DLGAP5: variants seen among roughly 807,000 people sequenced by gnomAD.
The protein encoded by DLGAP5 is DLG associated protein 5.
A neutral mutation model predicts 99.6 loss-of-function variants in DLGAP5; 90 were observed. The ratio of observed to expected loss-of-function variants is 0.90; its 90% CI spans 0.76 to 1.08. DLGAP5 has a LOEUF of 1.08. DLGAP5 is among the 50% of genes least tolerant of loss of function. DLGAP5 has a pLI of 0.00. For synonymous variants in DLGAP5, 311 were observed against 321.3 expected, an observed-to-expected ratio of 0.97 and a Z score of 0.34; for missense variants, 1,036 against 983.5, an observed-to-expected ratio of 1.05 and a Z score of -0.71.
Position 55,148,431 on chromosome 14 carries a change from T to A in DLGAP5, c.2461A>T (p.Arg821Ter), listed in dbSNP as rs1350128941. Residue 821 changes from arginine to a stop codon, truncating the protein, a stop_gained, in exon 19 of 19, where the codon AGA becomes TGA. Coordinates refer to ENST00000247191, the MANE Select transcript of DLGAP5 (RefSeq NM_014750.5). LOFTEE classifies it high-confidence loss of function. ...CSNPFTQLER[R>*]HQEHARHISF... ...ATGTGTCTGGCATGTTCTTGATGTC[T>A]CCTCTCCAGCTGAGTAAATGGATTA... 1 of 1,614,194 alleles carries A rather than the reference T, an allele frequency of 6.2e-7. No homozygotes were observed. The highest frequency in any genetic ancestry group is 1.7e-5 in the Admixed American group (1 of 60,026).
chr14:55,181,364 T>C, intron 4 of DLGAP5, 67 bp from the exon 5 acceptor site: 1 of 1,294,836 alleles, frequency 7.7e-7, no homozygotes, highest in Non-Finnish European at 1.1e-6. Context: ...ATTTTTAATC[T>C]GTAAATTGAT....
chr14:55,177,298 C>T lies in DLGAP5; in HGVS notation c.813G>A (p.Leu271=). Residue 271 remains leucine, a synonymous_variant, in exon 8 of 19, where the codon TTG becomes TTA. Coordinates refer to ENST00000247191, the MANE Select transcript of DLGAP5 (RefSeq NM_014750.5). ...SCKVDSEENT[L]NSQTNATSGM... ...CACTTGTTGCATTAGTTTGTGAATT[C>T]AAAGTATTTTCTTCACTATCGACTT... 1.2e-6 allele frequency: 2 copies of T among 1,607,192 alleles called. No homozygotes were observed. The highest frequency in any genetic ancestry group is 4.5e-5 in the East Asian group (2 of 44,584).
intron 2 of DLGAP5, among the ~76,000 whole-genome samples, chr14:55,188,029 T>G (rs1179216913): frequency 8.5e-5 from 13 of 152,202 alleles, no homozygotes; most frequent in Admixed American, 8.5e-4. Flanking sequence ...ACTGAGATAG[T>G]TAGACTTTAA....
chr14:55,190,437 A>G (rs1229112331), intron 1 of DLGAP5, among the ~76,000 whole-genome samples: 1 of 152,238 alleles, frequency 6.6e-6, no homozygotes, highest in Non-Finnish European at 1.5e-5. Context: ...TAGGGAGAAC[A>G]AAGAAAATTA....
At chr14:55,150,745 A>G (rs1477098759) in intron 18 of DLGAP5, 54 bp downstream of exon 18, 1 of 1,331,060 alleles carries the variant, frequency 7.5e-7, no homozygotes, top group East Asian at 2.5e-5. Flanking sequence ...AGCAATATTC[A>G]TTTTATAAAA....
rs1040763630 is a variant in DLGAP5 at position 55,164,420 on chromosome 14, A to G, written c.1549-1345T>C. On this transcript the variant is annotated intron_variant, in intron 12 of 18. Transcript: ENST00000247191. ...GGAAAAGACAGTCTTTTCAACAAAC[A>G]GTGCTGGGAAAATTGGTTATCCATA... Among the ~76,000 whole-genome samples, 5 of 152,352 alleles carry G rather than the reference A, an allele frequency of 3.3e-5. No homozygotes were observed. The South Asian group carries it at 1.0e-3, about 32-fold the overall frequency.
At chr14:55,156,681 G>A (rs79503407) in intron 14 of DLGAP5, among the ~76,000 whole-genome samples, 3,929 of 152,218 alleles carry the variant, frequency 0.026, 164 homozygotes, top group African/African-American at 0.09. Context: ...CCAGATTCCC[G>A]AGGAAAGCCT....
At chr14:55,149,371 G>A (rs1043026478) in intron 18 of DLGAP5, among the ~76,000 whole-genome samples, 2 of 152,132 alleles carry the variant, frequency 1.3e-5, no homozygotes, top group Non-Finnish European at 1.5e-5. Context: ...AGAAAGAATG[G>A]TACGTGGGTC....
chr14:55,173,568 C>G (rs1882944007), intron 10 of DLGAP5, among the ~76,000 whole-genome samples: 2 of 150,372 alleles, frequency 1.3e-5, no homozygotes, highest in Non-Finnish European at 1.5e-5. Context: ...GATATTGTCT[C>G]TCTCTATAGA....
chr14:55,176,100 G>A (rs955743384), intron 8 of DLGAP5, 82 bp from the exon 9 acceptor site: 72 of 1,225,402 alleles, frequency 5.9e-5, no homozygotes, highest in Non-Finnish European at 7.8e-5. Context: ...TGTGTCACTT[G>A]TAGATCTGGG....
In DLGAP5 at chr14:55,177,166, C is replaced by A; in HGVS notation, c.945G>T (p.Gln315His). 1 of 1,612,194 alleles carries A rather than the reference C, an allele frequency of 6.2e-7. No homozygotes were observed. The highest frequency in any genetic ancestry group is 8.5e-7 in the Non-Finnish European group (1 of 1,179,358). The change falls in exon 8 of 19, where the codon CAG becomes CAT. Residue 315 changes from glutamine (Q) to histidine (H), a missense_variant. Transcript: ENST00000247191. ...NSFAPKDFMF[Q>H]PLDGLKTYQV... ...GATAGGTCTTCAGACCATCCAGTGGCTGAAACATAAAATCCTTAGGTGCAA... is the reference window on the plus strand; with the variant it reads ...GATAGGTCTTCAGACCATCCAGTGGATGAAACATAAAATCCTTAGGTGCAA...
chr14:55,148,694 A>G, intron 18 of DLGAP5: 2 of 808,708 alleles, frequency 2.5e-6, no homozygotes, highest in South Asian at 3.1e-5. Context: ...CCTCAAAAAC[A>G]AACAAACAAG....
intron 10 of DLGAP5, among the ~76,000 whole-genome samples, chr14:55,172,486 A>T (rs1470746835): frequency 2.0e-5 from 3 of 152,058 alleles, no homozygotes; most frequent in Non-Finnish European, 4.4e-5. Context: ...TTTTTTAAAT[A>T]CAAAATTCTT....
chr14:55,154,201 C>T (rs74617736), intron 15 of DLGAP5, among the ~76,000 whole-genome samples: 62,605 of 151,990 alleles, frequency 0.41, 13,318 homozygotes, highest in Non-Finnish European at 0.43. Flanking sequence ...AAAAAGTGTC[C>T]ATCTCTCAAC....
intron 9 of DLGAP5, 143 bp downstream of exon 9, chr14:55,175,751 A>C: frequency 1.4e-6 from 1 of 724,594 alleles, no homozygotes; most frequent in South Asian, 2.5e-5. Flanking sequence ...CACATCCCCA[A>C]ATGATATGGT....
At chr14:55,173,339 T>C (rs1157690062) in intron 10 of DLGAP5, among the ~76,000 whole-genome samples, 6 of 149,798 alleles carry the variant, frequency 4.0e-5, no homozygotes, top group Non-Finnish European at 8.9e-5. Flanking sequence ...GGCAGGAGGA[T>C]GGCTTGAGCT....
rs911253326 is a variant in DLGAP5 at position 55,152,071 on chromosome 14, T to C, written c.2122-130A>G. 3.9e-5 allele frequency: 31 copies of C among 802,606 alleles called. No individual in the cohort carries two copies. In the Admixed American group the frequency reaches 8.0e-4, roughly 21 times the overall value. 49.7% of individuals were successfully genotyped at this position (802,606 alleles called of 1,614,324 possible). On this transcript the variant is annotated intron_variant, in intron 16 of 18. Transcript: ENST00000247191. ...CCCGGACACAGTCTTAAGAACATTA[T>C]AAATCCTACTATCCTGCTTCTTCAA...
chr14:55,151,819 A>T lies in DLGAP5; in HGVS notation c.2244T>A (p.Val748=). The change falls in exon 17 of 19, where the codon GTT becomes GTA. Residue 748 remains valine, a synonymous_variant. Coordinates refer to ENST00000247191, the MANE Select transcript of DLGAP5 (RefSeq NM_014750.5). The part of the protein sequence containing the change: ...NTNKKEGISD[V]VEGMELNSSI... ...AAGAATTCAGTTCCATTCCTTCCAC[A>T]ACATCTGAAATTCCTTCTTTTTTGT... 1.2e-6 allele frequency: 2 copies of T among 1,614,000 alleles called. No individual in the cohort carries two copies. Among genetic ancestry groups the T allele is most frequent in the African/African-American group, 2.7e-5 (2 of 75,030 alleles).
chr14:55,188,779 TAAAAAAAAAAAA>T lies in DLGAP5; in HGVS notation c.238+151_238+162del, dbSNP rs397852487. 2.2e-4 allele frequency among the ~76,000 whole-genome samples: 25 copies of T among 116,228 alleles called. 1 individual carries two copies. The South Asian group carries it at 5.0e-3, about 23-fold the overall frequency. The allele number at this position is 116,228 out of a possible 152,430, so 76.3% of individuals were successfully genotyped here. A position where few individuals can be genotyped will look rare whatever the true frequency, so the allele number is the denominator to read the frequency against. On this transcript the variant is annotated intron_variant, in intron 2 of 18. Coordinates refer to ENST00000247191, the MANE Select transcript of DLGAP5 (RefSeq NM_014750.5). Reference sequence around the variant, plus strand: ...CAGTGAGACCCTGTCTCTTGTAATTTAAAAAAAAAAAAAAAAAAAAAAGGAAAAAGACCAAAA... The same window carrying T: ...CAGTGAGACCCTGTCTCTTGTAATTTAAAAAAAAAAGGAAAAAGACCAAAA...
Sources: gnomAD v4.1 joint callset for allele counts (sites outside exome capture counted in the v4.1 genomes callset) on GRCh38, gnomAD v4.1.1 for gene constraint, MANE v1.5 for transcripts, NCBI Gene and HGNC (gene_info 2026-07-23, HGNC 2026-07-21) for gene names.